RBM19: variants seen among roughly 807,000 people sequenced by gnomAD.
The protein encoded by RBM19 is probable RNA-binding protein 19.
Under a neutral mutation model 116.8 loss-of-function variants are expected in RBM19, and 94 were observed. The observed-to-expected ratio is 0.80, with a 90% CI of 0.68 to 0.95. RBM19 has a LOEUF of 0.95. RBM19 is among the 40% of genes least tolerant of loss of function. The pLI is 0.00. For missense variants in RBM19, 1,161 were observed against 1,220.7 expected (o/e 0.95, Z 0.73); for synonymous variants, 475 against 494.1 (o/e 0.96, Z 0.51).
intron 16 of RBM19, 171 bp downstream of exon 16, chr12:113,936,836 G>GT (rs1373928170): frequency 3.5e-6 from 3 of 853,130 alleles, no homozygotes. Flanking sequence ...TTTTGACACT[G>GT]TTTTTTACAG....
intron 1 of RBM19, among the ~76,000 whole-genome samples, chr12:113,962,971 C>T (rs75235459): frequency 0.042 from 6,350 of 152,010 alleles, 332 homozygotes; most frequent in Admixed American, 0.15. Context: ...GAGAGGGAGG[C>T]GGGAAGATCA....
At chr12:113,947,889 G>A (rs10850250) in intron 10 of RBM19, among the ~76,000 whole-genome samples, 25,096 of 152,138 alleles carry the variant, frequency 0.16, 2,820 homozygotes, top group African/African-American at 0.32. Context: ...GTGTGACCGC[G>A]TCCCCTCTCT....
intron 21 of RBM19, among the ~76,000 whole-genome samples, chr12:113,909,672 T>A (rs1593569379): frequency 6.6e-6 from 1 of 152,052 alleles, no homozygotes; most frequent in Non-Finnish European, 1.5e-5. Context: ...AGGTGGAAAG[T>A]GAGCCGGGGG....
At chr12:113,872,381 C>T (rs1285736560) in intron 21 of RBM19, among the ~76,000 whole-genome samples, 4 of 150,824 alleles carry the variant, frequency 2.7e-5, no homozygotes. Context: ...GCCACCCCGT[C>T]CGGGAGGGAG....
At chr12:113,858,190 G>A (rs1878060758) in intron 22 of RBM19, among the ~76,000 whole-genome samples, 1 of 152,204 alleles carries the variant, frequency 6.6e-6, no homozygotes, top group African/African-American at 2.4e-5. Context: ...GCCTGGCTGT[G>A]CTGTACTGAA....
intron 16 of RBM19, 43 bp downstream of exon 16, chr12:113,936,964 C>T (rs758545154): frequency 3.7e-6 from 6 of 1,602,158 alleles, no homozygotes; most frequent in Non-Finnish European, 5.1e-6. Context: ...TCCTTTCCCT[C>T]ACCAGGATCC....
At chr12:113,848,909 T>C (rs1172741463) in intron 22 of RBM19, among the ~76,000 whole-genome samples, 1 of 152,200 alleles carries the variant, frequency 6.6e-6, no homozygotes, top group Non-Finnish European at 1.5e-5. Context: ...CTTCTTAGCA[T>C]GGATGATCCT....
chr12:113,906,974 C>T (rs1382354850), intron 21 of RBM19, among the ~76,000 whole-genome samples: 2 of 152,014 alleles, frequency 1.3e-5, no homozygotes, highest in East Asian at 1.9e-4. Context: ...ACTGACACAG[C>T]CCCATGCCAA....
In RBM19 at chr12:113,947,460, G is replaced by A. The variant is rs1368051139; in HGVS notation, c.1281C>T (p.Pro427=). ...DLEKLFSKYG[P]LSELHYPIDS... ...CGATGGGGTAGTGGAGCTCAGACAG[G>A]GGACCTGAGGACAGGAGAAGTGTCG... is the stretch of plus-strand genomic sequence containing the variant. The change falls in exon 11 of 24, where the codon CCC becomes CCT. Residue 427 remains proline (P), a synonymous_variant. Coordinates refer to ENST00000261741, the MANE Select transcript of RBM19 (RefSeq NM_016196.4). 6.3e-7 allele frequency: 1 copy of A among 1,597,872 alleles called. No individual in the cohort carries two copies. Among genetic ancestry groups the A allele is most frequent in the South Asian group, 1.1e-5 (1 of 90,306 alleles).
intron 21 of RBM19, among the ~76,000 whole-genome samples, chr12:113,861,474 C>CTGTGTGTGTGTGTGTG (rs57704604): frequency 0.014 from 1,731 of 126,408 alleles, 35 homozygotes; most frequent in East Asian, 0.046. Flanking sequence ...AAGCCAGACT[C>CTGTGTGTGTGTGTGTG]TGTGTGTGTG....
At chr12:113,838,313 T>C (rs1304064214) in intron 23 of RBM19, among the ~76,000 whole-genome samples, 2 of 151,936 alleles carry the variant, frequency 1.3e-5, no homozygotes, top group East Asian at 1.9e-4. Flanking sequence ...CCCCACAGGG[T>C]GAGCATGCAA....
intron 19 of RBM19, among the ~76,000 whole-genome samples, chr12:113,920,208 C>T (rs767930876): frequency 7.2e-5 from 11 of 152,172 alleles, no homozygotes; most frequent in South Asian, 2.1e-4. Flanking sequence ...GAGAGGCCTT[C>T]CCTGACCACA....
In RBM19 at chr12:113,889,685, C is replaced by T. The variant is rs567132513; in HGVS notation, c.2558+25284G>A. On this transcript the variant is annotated intron_variant, in intron 21 of 23. Transcript: ENST00000261741. ...AACAAACAAACAACAAAAAAAAAAACAAAAAGACCCCAAAACCCAAACAAA... is the reference window on the plus strand; with the variant it reads ...AACAAACAAACAACAAAAAAAAAAATAAAAAGACCCCAAAACCCAAACAAA... Among the ~76,000 whole-genome samples the T allele has an allele frequency of 4.7e-3, 702 of 149,970 alleles. 3 individuals carry two copies. The highest frequency in any genetic ancestry group is 0.01 in the Middle Eastern group (3 of 292).
At chr12:113,821,101 C>A (rs973467018), downstream of RBM19, among the ~76,000 whole-genome samples, 4 of 152,188 alleles carry the variant, frequency 2.6e-5, no homozygotes, top group Admixed American at 6.5e-5. Context: ...CAGGTTAAGT[C>A]ACTTGCCGAG....
At chr12:113,910,584 A>G (rs1194712892) in intron 21 of RBM19, among the ~76,000 whole-genome samples, 3 of 152,230 alleles carry the variant, frequency 2.0e-5, no homozygotes, top group Non-Finnish European at 2.9e-5. Flanking sequence ...GGACTATGAC[A>G]GAAATGGGCA....
At chr12:113,959,965 T>C in intron 3 of RBM19, 62 bp from the exon 4 acceptor site, 3 of 1,613,488 alleles carry the variant, frequency 1.9e-6, no homozygotes, top group Non-Finnish European at 1.7e-6. Flanking sequence ...GAAACAGAAC[T>C]GCACTGACCT....
At chr12:113,929,761 C>T (rs1054228423) in intron 16 of RBM19, among the ~76,000 whole-genome samples, 10 of 152,200 alleles carry the variant, frequency 6.6e-5, no homozygotes, top group East Asian at 3.8e-4. Context: ...GTTGAATACC[C>T]TGAGTACAGT....
intron 23 of RBM19, among the ~76,000 whole-genome samples, chr12:113,829,380 C>G (rs1875167583): frequency 6.6e-6 from 1 of 152,240 alleles, no homozygotes; most frequent in South Asian, 2.1e-4. Context: ...GGGCCGCAGA[C>G]TGGCCTCTGC....
rs897453509 is a variant in RBM19 at position 113,887,985 on chromosome 12, G to C, written c.2558+26984C>G. Among the ~76,000 whole-genome samples, 5 of 152,136 alleles carry C rather than the reference G, an allele frequency of 3.3e-5. No individual in the cohort carries two copies. The East Asian group carries it at 5.8e-4, about 18-fold the overall frequency. On this transcript the variant is annotated intron_variant, in intron 21 of 23. Transcript: ENST00000261741. ...GATCCTCCTGGCTTGGGCTCCCAAA[G>C]TGTTGAGATTACAGGTGTGAGCCAC... is the stretch of plus-strand genomic sequence containing the variant.
Sources: gnomAD v4.1 joint callset for allele counts (sites outside exome capture counted in the v4.1 genomes callset) on GRCh38, gnomAD v4.1.1 for gene constraint, MANE v1.5 for transcripts, NCBI Gene and HGNC (gene_info 2026-07-23, HGNC 2026-07-21) for gene names.